The following ACACA variants were observed in gnomAD, a reference collection of about 807,000 sequenced individuals.
The protein encoded by ACACA is acetyl-CoA carboxylase alpha.
ACACA carries 103 observed loss-of-function variants against 296.1 expected under a neutral mutation model. The observed-to-expected ratio is 0.35, with a 90% CI of 0.30 to 0.41. ACACA has a LOEUF of 0.41. Ranked by LOEUF, ACACA falls within the 10% of genes least tolerant of loss-of-function variation. The probability of loss-of-function intolerance (pLI) is 1.00; values close to 1 mark genes in which losing one functional copy is unlikely to be tolerated. For missense variants in ACACA, 1,554 were observed against 2,989.7 expected (o/e 0.52, Z 11.20); for synonymous variants, 953 against 1,038.6 (o/e 0.92, Z 1.58).
intron 35 of ACACA, among the ~76,000 whole-genome samples, chr17:37,196,192 T>C (rs758514089): frequency 6.6e-6 from 1 of 151,984 alleles, no homozygotes; most frequent in Non-Finnish European, 1.5e-5. Context: ...CTCAACATGC[T>C]GAGAACTAAT....
Position 37,097,669 on chromosome 17 carries a change from C to T in ACACA, c.6720+161G>A, listed in dbSNP as rs192847942. Reference sequence around the variant, plus strand: ...CATTGTTTTAAGATGATAACAGTTACAGAAACAGTGAAAATCTAAAAAATA... The same window carrying T: ...CATTGTTTTAAGATGATAACAGTTATAGAAACAGTGAAAATCTAAAAAATA... On this transcript the variant is annotated intron_variant, in intron 53 of 55. Coordinates refer to ENST00000616317, the MANE Select transcript of ACACA (RefSeq NM_198834.3). The surrounding 1 kb of genome is among the most constrained non-coding windows in gnomAD (Gnocchi z 4.8). Among the ~76,000 whole-genome samples, 8 of 152,296 alleles carry T rather than the reference C, an allele frequency of 5.3e-5. No homozygotes were observed. The highest frequency in any genetic ancestry group is 2.6e-4 in the Admixed American group (4 of 15,300).
intron 41 of ACACA, among the ~76,000 whole-genome samples, chr17:37,172,804 A>G (rs191113029): frequency 1.3e-5 from 2 of 152,162 alleles, no homozygotes; most frequent in African/African-American, 4.8e-5. Context: ...ACTTATAAAC[A>G]TTCTCCTATC....
intron 16 of ACACA, 72 bp from the exon 17 acceptor site, chr17:37,248,746 T>C: frequency 9.1e-7 from 1 of 1,104,932 alleles, no homozygotes; most frequent in Non-Finnish European, 1.4e-6. Context: ...ACATTATTGA[T>C]TGTAGCATTT....
chr17:37,379,656 C>CA (rs1349395365), intron 1 of ACACA, among the ~76,000 whole-genome samples: 2 of 151,474 alleles, frequency 1.3e-5, no homozygotes, highest in African/African-American at 2.4e-5. Flanking sequence ...TTTATGCAGC[C>CA]AAAAAACACA....
intron 11 of ACACA, 105 bp from the exon 12 acceptor site, chr17:37,259,635 A>G: frequency 7.8e-7 from 1 of 1,277,936 alleles, no homozygotes; most frequent in East Asian, 2.3e-5. Flanking sequence ...AAGAGCCATC[A>G]AAAGCTTTTA....
intron 18 of ACACA, among the ~76,000 whole-genome samples, chr17:37,247,736 C>T (rs2080785312): frequency 6.6e-6 from 1 of 152,130 alleles, no homozygotes; most frequent in African/African-American, 2.4e-5. Flanking sequence ...TATAAAATTT[C>T]TACTCAAATA....
At chr17:37,212,581 T>A (rs1474736218) in intron 29 of ACACA, among the ~76,000 whole-genome samples, 1 of 152,078 alleles carries the variant, frequency 6.6e-6, no homozygotes, top group Non-Finnish European at 1.5e-5. Flanking sequence ...GAAGGAAGGA[T>A]AAACTGTCTA....
intron 41 of ACACA, among the ~76,000 whole-genome samples, chr17:37,171,233 T>C (rs1045141683): frequency 1.8e-4 from 27 of 152,286 alleles, no homozygotes; most frequent in Non-Finnish European, 2.9e-4. Context: ...GGAAGATGAC[T>C]ACCCTGCAAG....
chr17:37,388,909 C>T (rs2050669245), intron 1 of ACACA: 1 of 1,331,412 alleles, frequency 7.5e-7, no homozygotes, highest in Admixed American at 2.1e-5. Flanking sequence ...AGGAGATGTG[C>T]CACTCACACT....
intron 3 of ACACA, among the ~76,000 whole-genome samples, chr17:37,308,986 A>T (rs1486233552): frequency 6.6e-6 from 1 of 152,196 alleles, no homozygotes; most frequent in Non-Finnish European, 1.5e-5. Context: ...ATCAGTCTTT[A>T]TACCTCTACC....
chr17:37,337,415 CAAAAAAA>C (rs71159702), intron 2 of ACACA, among the ~76,000 whole-genome samples: 3 of 94,322 alleles, frequency 3.2e-5, no homozygotes, highest in East Asian at 3.0e-4. Flanking sequence ...GACCCTGTCT[CAAAAAAA>C]AAAAAAAAAA....
chr17:37,288,198 C>T (rs1017263759), intron 3 of ACACA, among the ~76,000 whole-genome samples: 13 of 152,148 alleles, frequency 8.5e-5, no homozygotes, highest in Middle Eastern at 3.4e-3. Context: ...TTTTTAATCA[C>T]TTCATTTTTC....
At chr17:37,130,885 A>ATT (rs113631842) in intron 45 of ACACA, among the ~76,000 whole-genome samples, 1 of 151,406 alleles carries the variant, frequency 6.6e-6, no homozygotes, top group African/African-American at 2.4e-5. Flanking sequence ...AAAAAGGATT[A>ATT]TTTTTTTCCT....
intron 3 of ACACA, among the ~76,000 whole-genome samples, chr17:37,291,815 G>A (rs2083082617): frequency 6.6e-6 from 1 of 152,068 alleles, no homozygotes; most frequent in African/African-American, 2.4e-5. Flanking sequence ...ACTAATCTGA[G>A]ATGACATATA....
intron 3 of ACACA, among the ~76,000 whole-genome samples, chr17:37,288,037 A>C (rs2082871256): frequency 6.6e-6 from 1 of 152,192 alleles, no homozygotes; most frequent in African/African-American, 2.4e-5. Context: ...GATTTGTCTA[A>C]GGTCACAAAG....
At chr17:37,297,369 A>C (rs1221790225) in intron 3 of ACACA, among the ~76,000 whole-genome samples, 1 of 148,086 alleles carries the variant, frequency 6.8e-6, no homozygotes, top group East Asian at 2.2e-4. Flanking sequence ...TGAACCCGGG[A>C]GGCAGAGGTT....
intron 1 of ACACA, among the ~76,000 whole-genome samples, chr17:37,346,352 T>C (rs1005651434): frequency 4.8e-5 from 7 of 145,296 alleles, no homozygotes; most frequent in African/African-American, 1.3e-4. Flanking sequence ...CTATGTAAGA[T>C]ATTAACAATT....
At chr17:37,148,196 A>G (rs983118867) in intron 45 of ACACA, among the ~76,000 whole-genome samples, 1 of 151,566 alleles carries the variant, frequency 6.6e-6, no homozygotes, top group African/African-American at 2.4e-5. Context: ...ATTCATCAAT[A>G]TCTCATCCTA....
chr17:37,196,526 C>A (rs534900336), intron 35 of ACACA, among the ~76,000 whole-genome samples: 1 of 151,372 alleles, frequency 6.6e-6, no homozygotes, highest in East Asian at 1.9e-4. Context: ...AGAATCTTAT[C>A]ATGGTTTTAG....
Sources: gnomAD v4.1 joint callset for allele counts (sites outside exome capture counted in the v4.1 genomes callset) on GRCh38, gnomAD v4.1.1 for gene constraint, Gnocchi (gnomAD v3.1) non-coding constraint, MANE v1.5 for transcripts, NCBI Gene and HGNC (gene_info 2026-07-23, HGNC 2026-07-21) for gene names.